Variants in NRXN3 observed in about 807,000 individuals in gnomAD.
The protein encoded by NRXN3 is neurexin 3.
Under a neutral mutation model 137.6 loss-of-function variants are expected in NRXN3, and 32 were observed. The ratio of observed to expected loss-of-function variants is 0.23; its 90% CI spans 0.18 to 0.31. NRXN3 has a LOEUF of 0.31. NRXN3 is among the 10% of genes least tolerant of loss of function. The pLI is 1.00. For missense variants in NRXN3, 1,574 were observed against 2,062.5 expected (o/e 0.76, Z 4.59); for synonymous variants, 798 against 784.5 (o/e 1.02, Z -0.29).
intron 15 of NRXN3, among the ~76,000 whole-genome samples, chr14:79,372,064 A>C (rs1017198243): frequency 7.2e-5 from 11 of 152,158 alleles, no homozygotes; most frequent in Non-Finnish European, 1.6e-4. Context: ...CAGTGTATAC[A>C]AAGCATTTAT....
chr14:79,860,342 A>G (rs1446171793), intron 20 of NRXN3, among the ~76,000 whole-genome samples: 1 of 152,220 alleles, frequency 6.6e-6, no homozygotes, highest in African/African-American at 2.4e-5. Flanking sequence ...ATGCATACAA[A>G]TATTAGACTA....
At chr14:79,146,448 G>T (rs963687762) in intron 15 of NRXN3, among the ~76,000 whole-genome samples, 1 of 152,044 alleles carries the variant, frequency 6.6e-6, no homozygotes, top group Non-Finnish European at 1.5e-5. Context: ...AGAATGGAAT[G>T]TTCAGCTTTA....
chr14:79,703,610 G>C (rs1349296768), intron 19 of NRXN3, among the ~76,000 whole-genome samples: 2 of 152,074 alleles, frequency 1.3e-5, no homozygotes, highest in African/African-American at 4.8e-5. Flanking sequence ...TGGCCGGAGA[G>C]AGAAAGGAGA....
At chr14:79,116,192 G>A (rs1158964337) in intron 15 of NRXN3, among the ~76,000 whole-genome samples, 3 of 152,124 alleles carry the variant, frequency 2.0e-5, no homozygotes, top group Non-Finnish European at 2.9e-5. Flanking sequence ...AGACCTGGGT[G>A]GAAAGGGAAA....
intron 3 of NRXN3, among the ~76,000 whole-genome samples, 189 bp from the exon 4 acceptor site, chr14:78,297,642 T>C (rs2076478902): frequency 6.6e-6 from 1 of 152,148 alleles, no homozygotes; most frequent in Admixed American, 6.5e-5. Context: ...GGGGTGTCCA[T>C]GTTTGTTGCA....
chr14:79,025,869 G>A (rs2099597193), intron 15 of NRXN3, among the ~76,000 whole-genome samples: 1 of 152,040 alleles, frequency 6.6e-6, no homozygotes, highest in African/African-American at 2.4e-5. Context: ...ATGCCATTTG[G>A]GAGCCACTCT....
At chr14:78,171,053 T>G (rs1322564271) in intron 1 of NRXN3, among the ~76,000 whole-genome samples, 1 of 151,646 alleles carries the variant, frequency 6.6e-6, no homozygotes, top group Non-Finnish European at 1.5e-5. Context: ...ACTTTTTTTT[T>G]GACATTTTGT....
chr14:79,453,305 C>CA (rs1415375444), intron 15 of NRXN3, among the ~76,000 whole-genome samples: 1 of 150,754 alleles, frequency 6.6e-6, no homozygotes. Context: ...GACTCTGTCT[C>CA]AAAAAAATAA....
chr14:78,892,776 G>C (rs1047692128), intron 10 of NRXN3, among the ~76,000 whole-genome samples: 18 of 128,318 alleles, frequency 1.4e-4, no homozygotes, highest in Admixed American at 1.2e-3. Context: ...CCCATCTTCT[G>C]TGTGTGTGTG....
chr14:78,642,049 C>T (rs1057104309), intron 4 of NRXN3, among the ~76,000 whole-genome samples: 7 of 152,170 alleles, frequency 4.6e-5, no homozygotes, highest in Non-Finnish European at 8.8e-5. Context: ...GAATTGGTTT[C>T]TGGCTCAATT....
At chr14:78,415,826 C>T (rs1362200674) in intron 4 of NRXN3, among the ~76,000 whole-genome samples, 1 of 151,982 alleles carries the variant, frequency 6.6e-6, no homozygotes, top group East Asian at 1.9e-4. Flanking sequence ...TGCATGCATG[C>T]ACCAAGGAAG....
intron 16 of NRXN3, among the ~76,000 whole-genome samples, chr14:79,525,865 A>C (rs73324255): frequency 0.041 from 6,240 of 152,194 alleles, 413 homozygotes; most frequent in African/African-American, 0.14. Context: ...GTGCAGGGTT[A>C]TTAGGAGCTT....
intron 4 of NRXN3, among the ~76,000 whole-genome samples, chr14:78,382,257 T>A (rs1449619737): frequency 6.6e-6 from 1 of 152,120 alleles, no homozygotes; most frequent in East Asian, 1.9e-4. Flanking sequence ...TAAAGTACAG[T>A]GAAGGCAGAG....
intron 16 of NRXN3, among the ~76,000 whole-genome samples, chr14:79,586,545 T>G (rs1424744929): frequency 6.6e-6 from 1 of 152,164 alleles, no homozygotes; most frequent in African/African-American, 2.4e-5. Flanking sequence ...GGAGTCTGAT[T>G]TGGCCTGGCG....
At chr14:79,273,172 C>CAAAAAAAAAAAAAAAAAAAAA (rs1163073631) in intron 15 of NRXN3, among the ~76,000 whole-genome samples, 1 of 20,752 alleles carries the variant, frequency 4.8e-5, no homozygotes, top group Non-Finnish European at 7.8e-5. Flanking sequence ...ACTCTGTGGC[C>CAAAAAAAAAAAAAAAAAAAAA]AAAAAAAAAA....
At chr14:79,709,173 T>C (rs932431131) in intron 19 of NRXN3, among the ~76,000 whole-genome samples, 5 of 152,300 alleles carry the variant, frequency 3.3e-5, no homozygotes, top group Admixed American at 3.3e-4. Flanking sequence ...GATGATCTCA[T>C]GCTGCAGATA....
At chr14:78,955,580 T>A (rs2099395463) in intron 10 of NRXN3, among the ~76,000 whole-genome samples, 1 of 152,204 alleles carries the variant, frequency 6.6e-6, no homozygotes, top group African/African-American at 2.4e-5. Context: ...TTAGGTTTCC[T>A]TACTAAATGT....
At chr14:78,246,851 C>T (rs924297240) in intron 2 of NRXN3, among the ~76,000 whole-genome samples, 4 of 152,182 alleles carry the variant, frequency 2.6e-5, no homozygotes, top group African/African-American at 9.7e-5. Context: ...AGAAATGCAT[C>T]CATTCTCCCC....
intron 9 of NRXN3, among the ~76,000 whole-genome samples, chr14:78,805,926 A>T (rs528043028): frequency 2.2e-4 from 33 of 151,744 alleles, no homozygotes; most frequent in Middle Eastern, 3.4e-3. Context: ...TCTCTCTCTC[A>T]CACACACACA....
Sources: gnomAD v4.1 joint callset for allele counts (sites outside exome capture counted in the v4.1 genomes callset) on GRCh38, gnomAD v4.1.1 for gene constraint, MANE v1.5 for transcripts, NCBI Gene and HGNC (gene_info 2026-07-23, HGNC 2026-07-21) for gene names.